ANKRD28: variants seen among roughly 807,000 people sequenced by gnomAD.
The protein encoded by ANKRD28 is ankyrin repeat domain 28.
A neutral mutation model predicts 126.5 loss-of-function variants in ANKRD28; 44 were observed. The observed-to-expected ratio is 0.35, with a 90% CI of 0.27 to 0.45. ANKRD28 has a LOEUF of 0.45. Ranked by LOEUF, ANKRD28 falls within the 20% of genes least tolerant of loss-of-function variation. The pLI is 1.00. For missense variants in ANKRD28, 1,110 were observed against 1,316.6 expected (o/e 0.84, Z 2.43); for synonymous variants, 442 against 468.5 (o/e 0.94, Z 0.73).
At position 15,846,712 on chromosome 3, in the gene ANKRD28, C is replaced by G. The variant is rs1439135151; in HGVS notation, c.27+12665G>C. Among the ~76,000 whole-genome samples, 3 of 152,162 alleles carry G rather than the reference C, an allele frequency of 2.0e-5. No individual in the cohort carries two copies. Among genetic ancestry groups the G allele is most frequent in the African/African-American group, 7.2e-5 (3 of 41,438 alleles). On this transcript the variant is annotated intron_variant, in intron 1 of 27. Coordinates refer to the ANKRD28 transcript ENST00000399451. This position sits in a 1 kb window ranked among gnomAD's most constrained non-coding sequence, Gnocchi z 5.4. ...TCATGCTCACATAAAGTCAAAAAAT[C>G]TATGTTAATGATCAGCTGGGTGTGC...
intron 2 of ANKRD28, among the ~76,000 whole-genome samples, chr3:15,777,025 C>T (rs922922204): frequency 6.6e-6 from 1 of 152,098 alleles, no homozygotes; most frequent in Non-Finnish European, 1.5e-5. Context: ...CCTGTAATCC[C>T]AGCACTTTGG....
intron 1 of ANKRD28, among the ~76,000 whole-genome samples, chr3:15,850,224 T>TATATATATAGAGAGAGAGAGAGAG (rs1418223588): frequency 2.8e-5 from 1 of 35,110 alleles, no homozygotes. Context: ...TATATATATA[T>TATATATATAGAGAGAGAGAGAGAG]AGAGAGAGAG....
intron 1 of ANKRD28, among the ~76,000 whole-genome samples, chr3:15,848,945 T>C (rs573514434): frequency 2.6e-5 from 4 of 152,154 alleles, no homozygotes; most frequent in Non-Finnish European, 5.9e-5. Context: ...AAATTATCTC[T>C]AGCCACTAAA....
At chr3:15,828,183 G>T (rs1480705414) in intron 1 of ANKRD28, among the ~76,000 whole-genome samples, 2 of 152,162 alleles carry the variant, frequency 1.3e-5, no homozygotes, top group Non-Finnish European at 2.9e-5. Flanking sequence ...CAGATCTGAT[G>T]AATGGAGAAT....
intron 1 of ANKRD28, among the ~76,000 whole-genome samples, chr3:15,849,712 T>A (rs1399668234): frequency 2.6e-5 from 4 of 152,138 alleles, no homozygotes; most frequent in Admixed American, 2.6e-4. Flanking sequence ...CCTAGTTAAC[T>A]CCCCTAGAAA....
At chr3:15,709,039 C>CT (rs2071862370) in intron 13 of ANKRD28, among the ~76,000 whole-genome samples, 1 of 152,146 alleles carries the variant, frequency 6.6e-6, no homozygotes. Flanking sequence ...AATTCCTACT[C>CT]TAAGTAACTT....
At chr3:15,670,790 G>C (rs1483608357) in intron 27 of ANKRD28, among the ~76,000 whole-genome samples, 1 of 152,222 alleles carries the variant, frequency 6.6e-6, no homozygotes, top group Non-Finnish European at 1.5e-5. Context: ...AGCAGGCCCA[G>C]AGAAGAATGA....
At chr3:15,769,179 T>C (rs910333150) in intron 2 of ANKRD28, among the ~76,000 whole-genome samples, 1 of 152,206 alleles carries the variant, frequency 6.6e-6, no homozygotes. Flanking sequence ...GTGAGGGATG[T>C]CTGGAATTCT....
At chr3:15,825,188 G>A (rs540569104) in intron 1 of ANKRD28, among the ~76,000 whole-genome samples, 2 of 152,118 alleles carry the variant, frequency 1.3e-5, no homozygotes, top group Non-Finnish European at 2.9e-5. Context: ...TGAGGCTCAC[G>A]CATGCAAGAT....
chr3:15,737,001 G>C (rs762845086), intron 5 of ANKRD28, 32 bp downstream of exon 5: 1 of 1,607,256 alleles, frequency 6.2e-7, no homozygotes, highest in South Asian at 1.1e-5. Context: ...CAGGAGGAGA[G>C]AAAAATAATG....
chr3:15,710,219 T>A (rs2072054933), intron 12 of ANKRD28, among the ~76,000 whole-genome samples: 1 of 152,172 alleles, frequency 6.6e-6, no homozygotes, highest in African/African-American at 2.4e-5. Context: ...TTCCCTTATC[T>A]TCTCCTATAC....
chr3:15,683,704 G>A (rs1002426752), intron 21 of ANKRD28: 7 of 152,098 alleles, frequency 4.6e-5, no homozygotes, highest in African/African-American at 1.7e-4. Flanking sequence ...TTTGGCATAA[G>A]GACTAATATG....
chr3:15,798,080 C>T, upstream of ANKRD28: 1 of 985,354 alleles, frequency 1.0e-6, no homozygotes, highest in Non-Finnish European at 1.2e-6. Context: ...TGTGACTAAT[C>T]CAAATCAAAC....
At chr3:15,704,437 G>A (rs1002556398) in intron 14 of ANKRD28, among the ~76,000 whole-genome samples, 1 of 152,116 alleles carries the variant, frequency 6.6e-6, no homozygotes, top group Non-Finnish European at 1.5e-5. Context: ...AAATTCCAAA[G>A]TATAAACAAC....
chr3:15,805,212 T>G (rs553283022), intron 1 of ANKRD28, among the ~76,000 whole-genome samples: 1 of 115,710 alleles, frequency 8.6e-6, no homozygotes, highest in South Asian at 3.4e-4. Flanking sequence ...CAGGTTAGTT[T>G]TCTAGAATAC....
intron 4 of ANKRD28, among the ~76,000 whole-genome samples, chr3:15,750,723 G>C (rs2057805174): frequency 6.6e-6 from 1 of 152,168 alleles, no homozygotes; most frequent in Non-Finnish European, 1.5e-5. Flanking sequence ...AGGACAAAGA[G>C]ACAGAAGCTC....
intron 2 of ANKRD28, among the ~76,000 whole-genome samples, chr3:15,776,650 A>G (rs2059282840): frequency 6.6e-6 from 1 of 152,236 alleles, no homozygotes; most frequent in South Asian, 2.1e-4. Flanking sequence ...AGTGGTCACC[A>G]ACAAGGGCAC....
chr3:15,692,809 T>C (rs1184418765), intron 17 of ANKRD28, among the ~76,000 whole-genome samples: 2 of 152,248 alleles, frequency 1.3e-5, no homozygotes, highest in Non-Finnish European at 2.9e-5. Flanking sequence ...CTATTTAGTA[T>C]ACCTATGGCA....
chr3:15,779,542 T>G (rs941487477), intron 2 of ANKRD28, among the ~76,000 whole-genome samples: 1 of 152,162 alleles, frequency 6.6e-6, no homozygotes, highest in African/African-American at 2.4e-5. Context: ...TAAAGAAAAC[T>G]GCGTTAAGAT....
Sources: allele counts gnomAD v4.1 joint callset (sites outside exome capture counted in the v4.1 genomes callset), GRCh38; gene constraint gnomAD v4.1.1; non-coding constraint Gnocchi (gnomAD v3.1); transcripts MANE v1.5; gene names NCBI Gene and HGNC (gene_info 2026-07-23, HGNC 2026-07-21).